Variants in SPATA13 observed in about 807,000 individuals in gnomAD.
The protein encoded by SPATA13 is spermatogenesis-associated protein 13.
Under a neutral mutation model 104.0 loss-of-function variants are expected in SPATA13, and 50 were observed. The observed-to-expected ratio is 0.48, with a 90% CI of 0.38 to 0.61. The LOEUF (loss-of-function observed/expected upper bound fraction) is 0.61, where lower values mean the gene tolerates loss of function less well. SPATA13 is among the 20% of genes least tolerant of loss of function. The pLI, the probability that SPATA13 is intolerant of heterozygous loss-of-function variation, is 0.00. For synonymous variants in SPATA13, 606 were observed against 667.5 expected (o/e 0.91, Z 1.42); for missense variants, 1,524 against 1,690.6 (o/e 0.90, Z 1.73).
At chr13:24,030,008 G>C (rs1233956571) in intron 3 of SPATA13, among the ~76,000 whole-genome samples, 3 of 151,820 alleles carry the variant, frequency 2.0e-5, no homozygotes, top group Non-Finnish European at 4.4e-5. Flanking sequence ...GCAAAATTGA[G>C]TGGAAAGTAG....
Position 24,249,505 on chromosome 13 carries a change from G to T in SPATA13, c.1682G>T (p.Ser561Ile). 2 of 1,591,834 alleles carry T rather than the reference G, an allele frequency of 1.3e-6. No homozygotes were observed. The highest frequency in any genetic ancestry group is 1.7e-6 in the Non-Finnish European group (2 of 1,168,832). ...GTCCCTGATGGCCCCTGGAGGCGAA[G>T]CTCATCACAGGATGAGGAAAGGACA... ...EVVPDGPWRR[S>I]SSQDEERTEA... Residue 561 changes from serine to isoleucine, a missense_variant, in exon 3 of 13, where the codon AGC becomes ATC. Physicochemically the swap from Ser to Ile is moderately radical, Grantham distance 142. Coordinates refer to ENST00000382108, the MANE Select transcript of SPATA13 (RefSeq NM_001166271.3).
chr13:24,257,674 C>T (rs1873856612), intron 4 of SPATA13, among the ~76,000 whole-genome samples: 1 of 151,494 alleles, frequency 6.6e-6, no homozygotes, highest in Admixed American at 6.6e-5. Flanking sequence ...GCAAATTGAC[C>T]CAGTCTAGCA....
At chr13:24,090,196 A>G (rs1879866578) in intron 3 of SPATA13, among the ~76,000 whole-genome samples, 1 of 150,376 alleles carries the variant, frequency 6.6e-6, no homozygotes, top group South Asian at 2.1e-4. Context: ...GCACTTGGAC[A>G]TCCCCCTTAT....
intron 3 of SPATA13, among the ~76,000 whole-genome samples, chr13:24,050,445 A>G (rs922409802): frequency 1.3e-5 from 2 of 152,070 alleles, no homozygotes; most frequent in African/African-American, 4.8e-5. Context: ...CAAAAACAGC[A>G]CGGATGGGCT....
chr13:24,201,454 T>C (rs1593411983), intron 1 of SPATA13, among the ~76,000 whole-genome samples: 2 of 152,286 alleles, frequency 1.3e-5, no homozygotes, highest in East Asian at 3.9e-4. Flanking sequence ...GTTCACTCTT[T>C]TTTTTGAGAC....
chr13:24,100,436 T>TTCTCCCTC (rs1300003293), intron 3 of SPATA13, among the ~76,000 whole-genome samples: 1 of 152,182 alleles, frequency 6.6e-6, no homozygotes, highest in African/African-American at 2.4e-5. Context: ...AGACTTGTCC[T>TTCTCCCTC]TCTCCCTCTC....
At chr13:24,113,715 CA>C (rs1231264343) in intron 3 of SPATA13, among the ~76,000 whole-genome samples, 2 of 151,176 alleles carry the variant, frequency 1.3e-5, no homozygotes, top group Non-Finnish European at 2.9e-5. Context: ...ACTAAAAATA[CA>C]AACATTAGCT....
Position 24,223,444 on chromosome 13 carries a change from C to T in SPATA13, c.515C>T (p.Ala172Val). 6.4e-7 allele frequency: 1 copy of T among 1,550,634 alleles called. No homozygotes were observed. Among genetic ancestry groups the T allele is most frequent in the Non-Finnish European group, 8.7e-7 (1 of 1,146,986 alleles). Reference protein sequence around the residue: ...SPLAPGPACGALRPAEWGTLD... With the variant: ...SPLAPGPACGVLRPAEWGTLD... ...TTAGCACCGGGACCAGCATGTGGTG[C>T]CCTCAGGCCAGCAGAGTGGGGCACA... Residue 172 changes from alanine to valine, a missense_variant, in exon 2 of 13, where the codon GCC becomes GTC. Transcript: ENST00000382108.
intron 3 of SPATA13, among the ~76,000 whole-genome samples, chr13:24,075,147 G>A (rs975849504): frequency 1.1e-4 from 16 of 152,180 alleles, no homozygotes; most frequent in African/African-American, 3.9e-4. Flanking sequence ...GGCCTTTCTT[G>A]ACCACCCAGT....
At chr13:24,113,443 C>T (rs575752682) in intron 3 of SPATA13, among the ~76,000 whole-genome samples, 2 of 150,634 alleles carry the variant, frequency 1.3e-5, no homozygotes, top group East Asian at 3.9e-4. Flanking sequence ...TCTCTACTGA[C>T]AATACAAAAA....
intron 3 of SPATA13, among the ~76,000 whole-genome samples, chr13:24,094,292 T>C (rs1880001493): frequency 6.6e-6 from 1 of 152,234 alleles, no homozygotes; most frequent in Non-Finnish European, 1.5e-5. Context: ...AGGGTTAACA[T>C]AGAAAAACCA....
At chr13:24,069,622 C>G (rs146629751) in intron 3 of SPATA13, among the ~76,000 whole-genome samples, 1 of 152,086 alleles carries the variant, frequency 6.6e-6, no homozygotes, top group Non-Finnish European at 1.5e-5. Context: ...TTATCTTGCC[C>G]GATTGCCCTG....
chr13:24,006,754 C>G (rs909161912), intron 2 of SPATA13, among the ~76,000 whole-genome samples: 3 of 152,136 alleles, frequency 2.0e-5, no homozygotes, highest in African/African-American at 7.3e-5. Flanking sequence ...CACCGGGACA[C>G]GCAGCCCAAG....
chr13:24,123,844 G>T (rs1881123768), intron 3 of SPATA13: 1 of 759,276 alleles, frequency 1.3e-6, no homozygotes, highest in South Asian at 1.5e-5. Flanking sequence ...AAGGCCCATT[G>T]GGGAATATAC....
chr13:24,052,213 C>G (rs1267153214), intron 3 of SPATA13, among the ~76,000 whole-genome samples: 6 of 152,146 alleles, frequency 3.9e-5, no homozygotes, highest in Non-Finnish European at 2.9e-5. Context: ...GTCTTTATTT[C>G]TTGGTTATCA....
At chr13:24,062,854 G>T (rs529438501) in intron 3 of SPATA13, among the ~76,000 whole-genome samples, 1 of 152,254 alleles carries the variant, frequency 6.6e-6, no homozygotes, top group Non-Finnish European at 1.5e-5. Context: ...AGTGGGTTTT[G>T]CCAGGAAATT....
At chr13:23,988,242 C>T (rs547898215) in intron 2 of SPATA13, among the ~76,000 whole-genome samples, 1 of 152,300 alleles carries the variant, frequency 6.6e-6, no homozygotes, top group Admixed American at 6.5e-5. Context: ...CCACTGCGCC[C>T]AGCCAATTTT....
At chr13:23,985,314 AG>A (rs1412939022) in intron 2 of SPATA13, among the ~76,000 whole-genome samples, 2 of 152,226 alleles carry the variant, frequency 1.3e-5, no homozygotes, top group African/African-American at 4.8e-5. Flanking sequence ...GATCCTGCTG[AG>A]GGTGAGCACA....
chr13:24,263,654 ATTG>A (rs1874164971), intron 4 of SPATA13, among the ~76,000 whole-genome samples: 1 of 152,240 alleles, frequency 6.6e-6, no homozygotes, highest in African/African-American at 2.4e-5. Flanking sequence ...GTTATGCTGC[ATTG>A]TTTAGGGAAT....
Sources: allele counts gnomAD v4.1 joint callset (sites outside exome capture counted in the v4.1 genomes callset), GRCh38; gene constraint gnomAD v4.1.1; transcripts MANE v1.5; gene names NCBI Gene and HGNC (gene_info 2026-07-23, HGNC 2026-07-21).